C7orf78: variants seen among roughly 807,000 people sequenced by gnomAD.
C7orf78 encodes chromosome 7 open reading frame 78.
chr7:12,499,011 A>G, the C7orf78 span, among the ~76,000 whole-genome samples: 1 of 152,038 alleles, frequency 6.6e-6, no homozygotes, highest in South Asian at 2.1e-4. Flanking sequence ...GAGAAATAAA[A>G]CACTTTACAG....
chr7:12,497,951 G>A, the C7orf78 span, among the ~76,000 whole-genome samples: 11 of 151,226 alleles, frequency 7.3e-5, no homozygotes, highest in African/African-American at 2.7e-4. Context: ...GCCTAACTGG[G>A]AGGCACCCTC....
At chr7:12,493,894 G>A in the C7orf78 span, among the ~76,000 whole-genome samples, 2 of 152,172 alleles carry the variant, frequency 1.3e-5, no homozygotes, top group Admixed American at 6.5e-5. Flanking sequence ...AGGAAGGCAC[G>A]AAGATTATTT....
chr7:12,490,934 C>T, the C7orf78 span, among the ~76,000 whole-genome samples: 20 of 151,980 alleles, frequency 1.3e-4, no homozygotes, highest in African/African-American at 3.6e-4. Flanking sequence ...CTCTGATTTT[C>T]TTCCTTAGAG....
At chr7:12,522,123 G>T in the C7orf78 span, among the ~76,000 whole-genome samples, 1 of 151,930 alleles carries the variant, frequency 6.6e-6, no homozygotes, top group African/African-American at 2.4e-5. Context: ...TTAGAATTTT[G>T]ATGATCCTCT....
chr7:12,490,790 G>A, the C7orf78 span, among the ~76,000 whole-genome samples: 12 of 151,698 alleles, frequency 7.9e-5, no homozygotes, highest in Non-Finnish European at 1.5e-4. Context: ...TCAAAATTGA[G>A]CAAGAGTGAG....
chr7:12,507,910 C>G, the C7orf78 span, among the ~76,000 whole-genome samples: 1 of 152,174 alleles, frequency 6.6e-6, no homozygotes, highest in Non-Finnish European at 1.5e-5. Context: ...ACCAGACCGT[C>G]TTTTCAGTTT....
chr7:12,505,502 A>G, the C7orf78 span, among the ~76,000 whole-genome samples: 19 of 152,156 alleles, frequency 1.2e-4, no homozygotes, highest in Non-Finnish European at 2.1e-4. Context: ...AAATGCTTTC[A>G]TTGGAGGCAG....
At chr7:12,523,302 C>T in the C7orf78 span, 1 of 398,378 alleles carries the variant, frequency 2.5e-6, no homozygotes, top group Non-Finnish European at 4.4e-6. Flanking sequence ...AAGGAGGTTA[C>T]AGCTCCTAAA....
the C7orf78 span, among the ~76,000 whole-genome samples, chr7:12,503,649 T>G: frequency 6.6e-6 from 1 of 152,130 alleles, no homozygotes; most frequent in Non-Finnish European, 1.5e-5. Context: ...AGGGTACATG[T>G]GCACAGCGTG....
the C7orf78 span, chr7:12,530,541 T>C: frequency 2.0e-5 from 3 of 152,218 alleles, no homozygotes; most frequent in Non-Finnish European, 4.4e-5. Flanking sequence ...GAGGGTATAA[T>C]GATCCATGTC....
the C7orf78 span, among the ~76,000 whole-genome samples, chr7:12,530,721 T>C: frequency 2.0e-5 from 3 of 152,162 alleles, no homozygotes; most frequent in African/African-American, 7.2e-5. Flanking sequence ...TTTCCTCTTA[T>C]CTCATTGGAA....
the C7orf78 span, among the ~76,000 whole-genome samples, chr7:12,540,507 T>A: frequency 1.3e-5 from 2 of 152,190 alleles, no homozygotes; most frequent in Non-Finnish European, 2.9e-5. Flanking sequence ...GTATTATAAT[T>A]ATTATTATTG....
the C7orf78 span, among the ~76,000 whole-genome samples, chr7:12,499,823 C>G: frequency 6.7e-6 from 1 of 148,898 alleles, no homozygotes; most frequent in Non-Finnish European, 1.5e-5. Flanking sequence ...TGACCACATA[C>G]TTGGAAGTAA....
the C7orf78 span, among the ~76,000 whole-genome samples, chr7:12,489,370 G>C: frequency 2.0e-5 from 3 of 152,092 alleles, no homozygotes; most frequent in African/African-American, 7.2e-5. Context: ...AACGGAAACA[G>C]AATTTTTGAA....
the C7orf78 span, among the ~76,000 whole-genome samples, chr7:12,515,596 A>C: frequency 6.6e-6 from 1 of 152,096 alleles, no homozygotes; most frequent in Non-Finnish European, 1.5e-5. Context: ...GGTTTCGAAG[A>C]AGGCAGGAAA....
the C7orf78 span, among the ~76,000 whole-genome samples, chr7:12,510,032 C>G: frequency 4.8e-5 from 4 of 83,146 alleles, no homozygotes; most frequent in East Asian, 2.1e-3. Flanking sequence ...AAAACTCCAT[C>G]TCAAGGAAAA....
the C7orf78 span, among the ~76,000 whole-genome samples, chr7:12,521,557 G>T: frequency 5.9e-5 from 9 of 151,356 alleles, no homozygotes; most frequent in African/African-American, 2.2e-4. Context: ...TAGCTCATAA[G>T]AACAACCTCC....
the C7orf78 span, among the ~76,000 whole-genome samples, chr7:12,529,995 C>T: frequency 5.2e-5 from 4 of 77,264 alleles, no homozygotes; most frequent in African/African-American, 1.3e-4. Flanking sequence ...TGGTACCTTC[C>T]GGATGTTGCC....
the C7orf78 span, among the ~76,000 whole-genome samples, chr7:12,484,710 G>A: frequency 6.6e-6 from 1 of 152,096 alleles, no homozygotes; most frequent in African/African-American, 2.4e-5. Context: ...GTCTATTTCA[G>A]GTTGGAGGTG....
Sources: gnomAD v4.1 joint callset for allele counts (sites outside exome capture counted in the v4.1 genomes callset) on GRCh38, gnomAD v4.1.1 for gene constraint, MANE v1.5 for transcripts, NCBI Gene and HGNC (gene_info 2026-07-23, HGNC 2026-07-21) for gene names.